Variants in SLAIN1 observed in about 807,000 individuals in gnomAD.
SLAIN1 encodes the protein SLAIN family member 1.
SLAIN1 carries 17 observed loss-of-function variants against 55.4 expected under a neutral mutation model. The ratio of observed to expected loss-of-function variants is 0.31; its 90% CI spans 0.21 to 0.46. The LOEUF is 0.46. SLAIN1 is among the 20% of genes least tolerant of loss of function. SLAIN1 has a pLI of 1.00. For missense variants in SLAIN1, 682 were observed against 785.1 expected (o/e 0.87, Z 1.57); for synonymous variants, 348 against 337.4 (o/e 1.03, Z -0.35).
chr13:77,743,336 C>G (rs950927385), intron 2 of SLAIN1: 2 of 338,098 alleles, frequency 5.9e-6, no homozygotes, highest in South Asian at 2.8e-5. Flanking sequence ...TACTCTAACA[C>G]CATTGATCTA....
intron 2 of SLAIN1, among the ~76,000 whole-genome samples, chr13:77,724,762 T>C (rs1033399084): frequency 1.3e-5 from 2 of 152,198 alleles, no homozygotes; most frequent in African/African-American, 4.8e-5. Context: ...TATTATACTT[T>C]AAGTTTTAGG....
At chr13:77,747,027 A>G (rs1034744466) in intron 4 of SLAIN1, among the ~76,000 whole-genome samples, 172 bp downstream of exon 4, 1 of 152,116 alleles carries the variant, frequency 6.6e-6, no homozygotes, top group Non-Finnish European at 1.5e-5. Flanking sequence ...CCTAGGTTCA[A>G]ACGATTCTCC....
chr13:77,757,424 C>T (rs1384273094), intron 5 of SLAIN1, among the ~76,000 whole-genome samples: 4 of 151,732 alleles, frequency 2.6e-5, no homozygotes, highest in Non-Finnish European at 4.4e-5. Context: ...ACACATGTAT[C>T]AACATTTCTT....
intron 5 of SLAIN1, among the ~76,000 whole-genome samples, chr13:77,755,627 A>G (rs1438250443): frequency 6.6e-6 from 1 of 152,220 alleles, no homozygotes; most frequent in Non-Finnish European, 1.5e-5. Context: ...AAATAATTAT[A>G]GTAATGGATT....
chr13:77,762,522 C>T (rs913711489), intron 6 of SLAIN1, among the ~76,000 whole-genome samples: 4 of 152,046 alleles, frequency 2.6e-5, no homozygotes, highest in African/African-American at 9.7e-5. Flanking sequence ...AAGTGATCCT[C>T]CTGCCTTGCT....
intron 1 of SLAIN1, among the ~76,000 whole-genome samples, chr13:77,711,138 C>A (rs770146654): frequency 6.6e-6 from 1 of 151,952 alleles, no homozygotes; most frequent in Non-Finnish European, 1.5e-5. Context: ...GGAAAGATCT[C>A]AGATCAACAC....
At chr13:77,756,867 C>T (rs1874644271) in intron 5 of SLAIN1, among the ~76,000 whole-genome samples, 1 of 152,062 alleles carries the variant, frequency 6.6e-6, no homozygotes, top group Non-Finnish European at 1.5e-5. Context: ...GGGAATAACA[C>T]TTACCTTTGG....
chr13:77,718,257 GA>G (rs983778918), intron 1 of SLAIN1, among the ~76,000 whole-genome samples: 8 of 151,584 alleles, frequency 5.3e-5, no homozygotes, highest in African/African-American at 7.3e-5. Context: ...TTTAAATGAT[GA>G]AAAAAAATAC....
At chr13:77,702,065 A>G (rs1021554523) in intron 1 of SLAIN1, among the ~76,000 whole-genome samples, 13 of 148,954 alleles carry the variant, frequency 8.7e-5, no homozygotes, top group South Asian at 2.2e-4. Flanking sequence ...ATGATTTCCA[A>G]TTTCATCCAT....
intron 5 of SLAIN1, among the ~76,000 whole-genome samples, chr13:77,758,045 C>T (rs1334769126): frequency 6.6e-6 from 1 of 152,138 alleles, no homozygotes; most frequent in African/African-American, 2.4e-5. Flanking sequence ...TTTACACTCC[C>T]ACCAGCAGTG....
chr13:77,729,088 G>T (rs900735882), intron 2 of SLAIN1, among the ~76,000 whole-genome samples: 1 of 152,100 alleles, frequency 6.6e-6, no homozygotes, highest in African/African-American at 2.4e-5. Flanking sequence ...TTGCTCTTAT[G>T]TTCAGAATAG....
At chr13:77,725,596 C>T (rs1243778544) in intron 2 of SLAIN1, among the ~76,000 whole-genome samples, 1 of 152,052 alleles carries the variant, frequency 6.6e-6, no homozygotes, top group Non-Finnish European at 1.5e-5. Flanking sequence ...CTTTTTTGAC[C>T]TTGATGTTTT....
chr13:77,742,540 T>TA (rs1873515865), intron 2 of SLAIN1, among the ~76,000 whole-genome samples: 2 of 152,010 alleles, frequency 1.3e-5, no homozygotes, highest in African/African-American at 4.8e-5. Flanking sequence ...AAATGTTTTT[T>TA]ATCAACATTT....
At chr13:77,707,277 G>C (rs2091099506) in intron 1 of SLAIN1, among the ~76,000 whole-genome samples, 1 of 151,682 alleles carries the variant, frequency 6.6e-6, no homozygotes, top group Non-Finnish European at 1.5e-5. Context: ...CTCATTTACT[G>C]ACTCTTTTGT....
chr13:77,757,845 G>A (rs1339016914), intron 5 of SLAIN1, among the ~76,000 whole-genome samples: 1 of 152,042 alleles, frequency 6.6e-6, no homozygotes, highest in Admixed American at 6.6e-5. Flanking sequence ...TGGGCACTTA[G>A]GTTGGTTCTA....
chr13:77,749,318 A>G (rs113505524), intron 4 of SLAIN1, among the ~76,000 whole-genome samples: 1 of 152,212 alleles, frequency 6.6e-6, no homozygotes, highest in African/African-American at 2.4e-5. Context: ...TAAAAGAAGC[A>G]TAACTGGAAT....
chr13:77,742,534 GT>G (rs1241804515), intron 2 of SLAIN1, among the ~76,000 whole-genome samples: 2 of 151,666 alleles, frequency 1.3e-5, no homozygotes, highest in African/African-American at 4.8e-5. Context: ...TACATAAAAT[GT>G]TTTTTATCAA....
chr13:77,747,855 G>C (rs1873943861), intron 4 of SLAIN1, among the ~76,000 whole-genome samples: 1 of 152,132 alleles, frequency 6.6e-6, no homozygotes, highest in South Asian at 2.1e-4. Flanking sequence ...ACTTGCAGAA[G>C]TTGGACTCTG....
chr13:77,726,610 G>A (rs2091310314), intron 2 of SLAIN1, among the ~76,000 whole-genome samples: 2 of 152,078 alleles, frequency 1.3e-5, no homozygotes, highest in Admixed American at 1.3e-4. Context: ...TGCAGGGTCA[G>A]GATTTTGCCA....
Sources: gnomAD v4.1 joint callset for allele counts (sites outside exome capture counted in the v4.1 genomes callset) on GRCh38, gnomAD v4.1.1 for gene constraint, MANE v1.5 for transcripts, NCBI Gene and HGNC (gene_info 2026-07-23, HGNC 2026-07-21) for gene names.